The following SNRPN variants were observed in gnomAD, a reference collection of about 807,000 sequenced individuals.
SNRPN encodes the protein small nuclear ribonucleoprotein polypeptide N.
In SNRPN, 7 loss-of-function variants were observed where a neutral mutation model predicts 25.2. The observed-to-expected ratio is 0.28, with a 90% CI of 0.16 to 0.52. SNRPN has a LOEUF of 0.52. Among genes scored for constraint, SNRPN ranks in the 20% least tolerant of loss-of-function variants. The pLI is 0.96. For synonymous variants in SNRPN, 124 were observed against 110.6 expected, an observed-to-expected ratio of 1.12 and a Z score of -0.76; for missense variants, 196 against 322.5, an observed-to-expected ratio of 0.61 and a Z score of 3.00.
chr15:24,892,870 G>C (rs562918981), intron 2 of SNRPN, among the ~76,000 whole-genome samples: 1 of 152,110 alleles, frequency 6.6e-6, no homozygotes, highest in Non-Finnish European at 1.5e-5. Context: ...AAGTTTACAT[G>C]GGAAGATCCG....
chr15:24,848,357 A>C (rs2052449804), intron 2 of SNRPN: 2 of 151,924 alleles, frequency 1.3e-5, no homozygotes, highest in South Asian at 1.9e-4. Context: ...CTTCAAGCGG[A>C]TCTCTTCCGG....
intron 2 of SNRPN, 67 bp downstream of exon 2, chr15:24,962,276 A>AT: frequency 8.0e-7 from 1 of 1,250,960 alleles, no homozygotes; most frequent in Non-Finnish European, 1.2e-6. Flanking sequence ...ACAAAATATC[A>AT]TGCAATGAGG....
chr15:24,971,671 A>G (rs139529731), intron 3 of SNRPN, among the ~76,000 whole-genome samples: 5 of 152,246 alleles, frequency 3.3e-5, no homozygotes, highest in African/African-American at 7.2e-5. Flanking sequence ...TTTATATCCT[A>G]TTGCTCAAGG....
intron 2 of SNRPN, among the ~76,000 whole-genome samples, chr15:24,836,437 G>T (rs1555377050): frequency 6.6e-6 from 1 of 151,652 alleles, no homozygotes; most frequent in Admixed American, 6.6e-5. Context: ...TTGAGACGGA[G>T]CCTCACTTCT....
chr15:24,919,169 C>T (rs1465023985), intron 2 of SNRPN, among the ~76,000 whole-genome samples: 1 of 151,450 alleles, frequency 6.6e-6, no homozygotes, highest in Non-Finnish European at 1.5e-5. Context: ...GTGGCTCACG[C>T]CTGTAATCCC....
At chr15:24,872,747 GAA>G (rs755883505) in intron 1 of SNRPN, among the ~76,000 whole-genome samples, 6 of 31,462 alleles carry the variant, frequency 1.9e-4, no homozygotes, top group Admixed American at 5.2e-4. Flanking sequence ...ACTCCGTCTC[GAA>G]AAAAAAAAAA....
At chr15:24,876,791 T>C (rs2055941245) in intron 1 of SNRPN, among the ~76,000 whole-genome samples, 1 of 152,034 alleles carries the variant, frequency 6.6e-6, no homozygotes, top group Non-Finnish European at 1.5e-5. Context: ...AAATTAGAAC[T>C]AATAAATAAC....
chr15:24,972,028 G>A lies in SNRPN; in HGVS notation c.-143-2283G>A, dbSNP rs565881059. On this transcript the variant is annotated intron_variant, in intron 3 of 9. Transcript: ENST00000390687. ...CCTAGCACTTGGGGAGGCTGAGGCC[G>A]GCAGGTCACCTGAAGTCAGGAGTTC... 2.8e-4 allele frequency among the ~76,000 whole-genome samples: 43 copies of A among 152,248 alleles called. 1 individual carries two copies. The highest frequency in any genetic ancestry group is 9.9e-4 in the African/African-American group (41 of 41,554).
chr15:24,940,359 T>A (rs566981677), intron 3 of SNRPN, among the ~76,000 whole-genome samples: 1 of 152,200 alleles, frequency 6.6e-6, no homozygotes, highest in Non-Finnish European at 1.5e-5. Context: ...AGGTCTCTGA[T>A]CCATTTCAAG....
intron 1 of SNRPN, among the ~76,000 whole-genome samples, chr15:24,860,390 A>C (rs2147148559): frequency 6.6e-6 from 1 of 152,322 alleles, no homozygotes; most frequent in South Asian, 2.1e-4. Context: ...GGAAACTGGA[A>C]GTTTTGTGGG....
intron 5 of SNRPN, 23 bp downstream of exon 5, chr15:24,975,532 G>A: frequency 6.2e-7 from 1 of 1,606,152 alleles, no homozygotes; most frequent in Non-Finnish European, 8.5e-7. Context: ...TGGGCAAATG[G>A]GGGTTGGACA....
intron 1 of SNRPN, among the ~76,000 whole-genome samples, chr15:24,960,344 G>C (rs2074563419): frequency 1.3e-5 from 2 of 151,966 alleles, no homozygotes; most frequent in African/African-American, 4.8e-5. Context: ...TTTCAGTGGG[G>C]GTTTTTTCAT....
Position 24,949,010 on chromosome 15 carries a change from CTTTTTTTTTTTT to C in SNRPN, c.-390-13086_-390-13075del, listed in dbSNP as rs869100437. ...TTCTGTCTATATGGATTTGCCTATT[CTTTTTTTTTTTT>C]TTTTTTTTTTTTTTTTTGAGATAGA... On this transcript the variant is annotated intron_variant, in intron 3 of 11. Coordinates refer to the SNRPN transcript ENST00000400097. 3.4e-4 allele frequency among the ~76,000 whole-genome samples: 16 copies of C among 46,422 alleles called. 1 individual carries two copies. The highest frequency in any genetic ancestry group is 2.1e-3 in the East Asian group (3 of 1,434). 30.5% of individuals were successfully genotyped at this position (46,422 alleles called of 152,430 possible).
chr15:24,857,646 C>A (rs1488223068), intron 1 of SNRPN, among the ~76,000 whole-genome samples: 1 of 151,624 alleles, frequency 6.6e-6, no homozygotes, highest in African/African-American at 2.4e-5. Flanking sequence ...GGGTCGATGT[C>A]TATTGTTTAG....
At chr15:24,873,169 CA>C (rs144050115) in intron 1 of SNRPN, among the ~76,000 whole-genome samples, 14,933 of 114,958 alleles carry the variant, frequency 0.13, 4,378 homozygotes, top group African/African-American at 0.28. Flanking sequence ...GCCTTGCCCG[CA>C]AAAAAAAAGC....
chr15:24,847,397 C>T (rs58104796), intron 2 of SNRPN, among the ~76,000 whole-genome samples: 9,295 of 152,232 alleles, frequency 0.061, 841 homozygotes, highest in African/African-American at 0.2. Flanking sequence ...TCCCAACACA[C>T]TGGGAGGCCG....
intron 1 of SNRPN, among the ~76,000 whole-genome samples, chr15:24,861,536 A>T (rs999016155): frequency 3.9e-5 from 6 of 152,204 alleles, no homozygotes; most frequent in African/African-American, 1.4e-4. Context: ...CTAGGACATT[A>T]CTGTATGCTA....
At chr15:24,937,763 C>A (rs1030733927) in intron 3 of SNRPN, among the ~76,000 whole-genome samples, 7 of 152,064 alleles carry the variant, frequency 4.6e-5, no homozygotes, top group African/African-American at 1.7e-4. Context: ...ATAATAACTC[C>A]GTTTCCTCCT....
At chr15:24,826,128 G>A (rs1457175753) in intron 1 of SNRPN, among the ~76,000 whole-genome samples, 5 of 152,004 alleles carry the variant, frequency 3.3e-5, no homozygotes, top group South Asian at 2.1e-4. Context: ...ATGTCTTCTC[G>A]ATGTGTCCTT....
Sources: gnomAD v4.1 joint callset for allele counts (sites outside exome capture counted in the v4.1 genomes callset) on GRCh38, gnomAD v4.1.1 for gene constraint, MANE v1.5 for transcripts, NCBI Gene and HGNC (gene_info 2026-07-23, HGNC 2026-07-21) for gene names.